PTPRG: variants seen among roughly 807,000 people sequenced by gnomAD.
The protein encoded by PTPRG is receptor-type tyrosine-protein phosphatase gamma.
PTPRG carries 102 observed loss-of-function variants against 165.3 expected under a neutral mutation model. That is an observed-to-expected ratio of 0.62 (90% CI 0.53 to 0.73). PTPRG has a LOEUF of 0.73. Ranked by LOEUF, PTPRG falls within the 30% of genes least tolerant of loss-of-function variation. The pLI, the probability that PTPRG is intolerant of heterozygous loss-of-function variation, is 0.00. For missense variants in PTPRG, 1,866 were observed against 1,861.4 expected, an observed-to-expected ratio of 1.00 and a Z score of -0.05; for synonymous variants, 675 against 669.5, an observed-to-expected ratio of 1.01 and a Z score of -0.13.
chr3:61,577,018 G>C (rs1470768361), intron 1 of PTPRG, among the ~76,000 whole-genome samples: 1 of 152,158 alleles, frequency 6.6e-6, no homozygotes, highest in Non-Finnish European at 1.5e-5. Context: ...AATGGGCTTG[G>C]TGACAGCAGT....
Position 61,738,714 on chromosome 3 carries a change from T to G in PTPRG, c.86-10164T>G, listed in dbSNP as rs190609979. On this transcript the variant is annotated intron_variant, in intron 1 of 29. Coordinates refer to ENST00000474889, the MANE Select transcript of PTPRG (RefSeq NM_002841.4). Reference sequence around the variant, plus strand: ...AACATGAATCAAGATAATTTATTAATCAACATGTCACTTTCTTATTTGCTT... The same window carrying G: ...AACATGAATCAAGATAATTTATTAAGCAACATGTCACTTTCTTATTTGCTT... Among the ~76,000 whole-genome samples the G allele has an allele frequency of 3.3e-5, 5 of 152,152 alleles. No individual in the cohort carries two copies. In the East Asian group the frequency reaches 9.7e-4, roughly 29 times the overall value.
At chr3:61,885,485 C>T (rs2038002809) in intron 2 of PTPRG, among the ~76,000 whole-genome samples, 1 of 151,196 alleles carries the variant, frequency 6.6e-6, no homozygotes, top group Non-Finnish European at 1.5e-5. Flanking sequence ...GTCTTGCTAT[C>T]CTACTTCGTT....
At chr3:61,804,103 C>T (rs142360361) in intron 2 of PTPRG, among the ~76,000 whole-genome samples, 3 of 152,226 alleles carry the variant, frequency 2.0e-5, no homozygotes, top group Non-Finnish European at 4.4e-5. Context: ...ACTTAAATGC[C>T]CTTGGGCTTT....
chr3:61,998,817 A>C (rs73089489), intron 3 of PTPRG, among the ~76,000 whole-genome samples: 17,521 of 152,186 alleles, frequency 0.12, 1,288 homozygotes, highest in Middle Eastern at 0.24. Context: ...CACCACATAG[A>C]CCTTTCCTGT....
In PTPRG at chr3:61,562,284, G is replaced by C; in HGVS notation, c.-4G>C. 6.2e-7 allele frequency: 1 copy of C among 1,613,260 alleles called. No homozygotes were observed. Reference sequence around the variant, plus strand: ...TTTCCTCTTTTCGATGTGCGTTTTCGGACATGCGGAGGTTACTGGAACCGT... The same window carrying C: ...TTTCCTCTTTTCGATGTGCGTTTTCCGACATGCGGAGGTTACTGGAACCGT... On this transcript the variant is annotated 5_prime_UTR_variant, in exon 1 of 30. Transcript: ENST00000474889.
intron 8 of PTPRG, among the ~76,000 whole-genome samples, chr3:62,187,266 G>A (rs1287007789): frequency 6.6e-6 from 1 of 152,242 alleles, no homozygotes; most frequent in Admixed American, 6.5e-5. Context: ...AGCCTGTGCA[G>A]AGGGGCAGAA....
chr3:61,887,170 A>ATATATATATATATT (rs60282456), intron 2 of PTPRG, among the ~76,000 whole-genome samples: 7 of 115,532 alleles, frequency 6.1e-5, no homozygotes, highest in East Asian at 3.3e-4. Context: ...ATATATATAT[A>ATATATATATATATT]TTTTTAATGC....
intron 5 of PTPRG, among the ~76,000 whole-genome samples, chr3:62,082,418 G>A (rs1701612921): frequency 6.6e-6 from 1 of 152,138 alleles, no homozygotes; most frequent in Non-Finnish European, 1.5e-5. Flanking sequence ...CTTGCACTTT[G>A]CCCCATTGTG....
At chr3:62,163,518 A>G (rs1199855840) in intron 7 of PTPRG, among the ~76,000 whole-genome samples, 1 of 152,170 alleles carries the variant, frequency 6.6e-6, no homozygotes, top group Non-Finnish European at 1.5e-5. Flanking sequence ...AGCTAAAAAG[A>G]AGTTGGAAAC....
rs376961969 is a variant in PTPRG, at chr3:61,585,917, C to CCTA, written c.85+23548_85+23550dup. ...TCAAACCTGTTTCATTTGTTGGGGA[C>CCTA]CTACTGTGTGCCAGGTGCTGCTGCC... On this transcript the variant is annotated intron_variant, in intron 1 of 29. Coordinates refer to ENST00000474889, the MANE Select transcript of PTPRG (RefSeq NM_002841.4). Among the ~76,000 whole-genome samples, 455 of 152,272 alleles carry CCTA rather than the reference C, an allele frequency of 3.0e-3. 3 individuals are homozygous for CCTA. The highest frequency in any genetic ancestry group is 0.01 in the African/African-American group (436 of 41,542).
intron 2 of PTPRG, among the ~76,000 whole-genome samples, chr3:61,981,231 A>G (rs1402571050): frequency 6.6e-6 from 1 of 152,190 alleles, no homozygotes; most frequent in Non-Finnish European, 1.5e-5. Context: ...AACCGCCCAT[A>G]TGACTCACTT....
At chr3:62,124,008 A>G (rs1394926005) in intron 5 of PTPRG, among the ~76,000 whole-genome samples, 1 of 152,180 alleles carries the variant, frequency 6.6e-6, no homozygotes, top group Non-Finnish European at 1.5e-5. Context: ...AATAACGAAT[A>G]TCACAGTCCA....
At chr3:61,581,766 C>T (rs569946825) in intron 1 of PTPRG, among the ~76,000 whole-genome samples, 4 of 151,776 alleles carry the variant, frequency 2.6e-5, no homozygotes, top group South Asian at 2.1e-4. Flanking sequence ...CGCGCCACCA[C>T]GCCCAGCTAA....
chr3:61,854,060 G>T (rs2037036958), intron 2 of PTPRG, among the ~76,000 whole-genome samples: 2 of 152,176 alleles, frequency 1.3e-5, no homozygotes, highest in Non-Finnish European at 2.9e-5. Context: ...AAAGAGAAAG[G>T]CCTGTTTGAG....
intron 1 of PTPRG, among the ~76,000 whole-genome samples, chr3:61,632,433 C>T (rs143105962): frequency 3.3e-4 from 51 of 152,292 alleles, no homozygotes; most frequent in East Asian, 2.9e-3. Flanking sequence ...AGATAAAGTG[C>T]TCTTTGTTTC....
At chr3:61,829,604 A>C (rs1263234872) in intron 2 of PTPRG, among the ~76,000 whole-genome samples, 2 of 152,240 alleles carry the variant, frequency 1.3e-5, no homozygotes, top group Non-Finnish European at 2.9e-5. Context: ...ATGCGACTAC[A>C]GTTTGGATGA....
chr3:61,581,617 T>C lies in PTPRG; in HGVS notation c.85+19245T>C, dbSNP rs954666536. Among the ~76,000 whole-genome samples, 43 of 149,958 alleles carry C rather than the reference T, an allele frequency of 2.9e-4. 1 individual carries two copies. Among genetic ancestry groups the C allele is most frequent in the Non-Finnish European group, 5.9e-4 (40 of 67,616 alleles). On this transcript the variant is annotated intron_variant, in intron 1 of 29. Transcript: ENST00000474889. ...TGGTTGCTTCTTTTTTTCTTTTTTT[T>C]TTTTTTTTTTATGAGACAGTCTCGC...
intron 2 of PTPRG, among the ~76,000 whole-genome samples, chr3:61,846,675 G>A (rs975311446): frequency 1.3e-5 from 2 of 152,180 alleles, no homozygotes; most frequent in Admixed American, 6.5e-5. Flanking sequence ...CAGCACTTGG[G>A]AGGTTGAAGT....
chr3:62,064,941 C>T (rs934568249), intron 4 of PTPRG, among the ~76,000 whole-genome samples: 1 of 151,926 alleles, frequency 6.6e-6, no homozygotes, highest in South Asian at 2.1e-4. Flanking sequence ...ACCATGTTAG[C>T]CAGGATGGCC....
Sources: allele counts gnomAD v4.1 joint callset (sites outside exome capture counted in the v4.1 genomes callset), GRCh38; gene constraint gnomAD v4.1.1; transcripts MANE v1.5; gene names NCBI Gene and HGNC (gene_info 2026-07-23, HGNC 2026-07-21).